The following SESN1 variants were observed in gnomAD, a reference collection of about 807,000 sequenced individuals.
SESN1 encodes the protein sestrin-1.
A neutral mutation model predicts 59.3 loss-of-function variants in SESN1; 30 were observed. The observed-to-expected ratio is 0.51, with a 90% CI of 0.38 to 0.69. The LOEUF is 0.69. SESN1 is among the 30% of genes least tolerant of loss of function. The pLI is 0.00. For synonymous variants in SESN1, 197 were observed against 219.9 expected (o/e 0.90, Z 0.92); for missense variants, 566 against 673.0 (o/e 0.84, Z 1.76).
chr6:108,988,663 T>A lies in SESN1; in HGVS notation c.1449A>T (p.Glu483Asp). 9 of 1,609,920 alleles carry A rather than the reference T, an allele frequency of 5.6e-6. No individual in the cohort carries two copies. Among genetic ancestry groups the A allele is most frequent in the Non-Finnish European group, 7.6e-6 (9 of 1,177,924 alleles). The change falls in exon 9 of 10, where the codon GAA becomes GAT. Residue 483 changes from glutamate to aspartate, a missense_variant. Coordinates refer to ENST00000436639, the MANE Select transcript of SESN1 (RefSeq NM_014454.3). Reference sequence around the variant, plus strand: ...AGCTACGATCCAATAGCTGGTTAATTTCACCATAGTCATAATCATCATATC... The same window carrying A: ...AGCTACGATCCAATAGCTGGTTAATATCACCATAGTCATAATCATCATATC... Reference protein sequence around the residue: ...GIRYDDYDYGEINQLLDRSFK... With the variant: ...GIRYDDYDYGDINQLLDRSFK...
chr6:109,008,008 ATTCC>A (rs1249815074), intron 1 of SESN1, among the ~76,000 whole-genome samples: 3 of 152,188 alleles, frequency 2.0e-5, no homozygotes, highest in Non-Finnish European at 4.4e-5. Context: ...CCTATAAAGC[ATTCC>A]TTCCTAAGTT....
At chr6:109,020,603 A>G (rs1779995418) in intron 1 of SESN1, among the ~76,000 whole-genome samples, 1 of 152,080 alleles carries the variant, frequency 6.6e-6, no homozygotes, top group Non-Finnish European at 1.5e-5. Context: ...TTTCCTCTTT[A>G]TTTCTATCAC....
At chr6:109,084,856 A>G (rs12530435) in intron 1 of SESN1, among the ~76,000 whole-genome samples, 3,758 of 152,222 alleles carry the variant, frequency 0.025, 63 homozygotes, top group Middle Eastern at 0.075. Flanking sequence ...TTTTTGTTAC[A>G]AACTAAAGGT....
chr6:109,075,939 C>G (rs541015120), intron 1 of SESN1, among the ~76,000 whole-genome samples: 2 of 152,338 alleles, frequency 1.3e-5, no homozygotes, highest in Non-Finnish European at 2.9e-5. Flanking sequence ...CCACCTAAGC[C>G]TGGACCCTGC....
At chr6:109,085,526 C>T (rs1246226884) in intron 1 of SESN1, among the ~76,000 whole-genome samples, 1 of 151,660 alleles carries the variant, frequency 6.6e-6, no homozygotes. Flanking sequence ...CACACACACA[C>T]ACACACACAC....
chr6:109,049,008 C>T (rs140155557), intron 1 of SESN1, among the ~76,000 whole-genome samples: 282 of 152,256 alleles, frequency 1.9e-3, no homozygotes, highest in African/African-American at 5.7e-3. Flanking sequence ...TTGCTTAGCA[C>T]GCTTCTTTGT....
Position 109,094,455 on chromosome 6 carries a change from G to C in SESN1, c.-382C>G. On this transcript the variant is annotated 5_prime_UTR_variant, in exon 1 of 10. It introduces an in-frame stop codon into an upstream open reading frame of the 5' UTR. Coordinates refer to ENST00000436639, the MANE Select transcript of SESN1 (RefSeq NM_014454.3). The stretch of plus-strand genomic sequence containing the variant: ...CTGCCCCAAAAGGCTGTTAACAGCT[G>C]AACGCCCTCCAGCCATTCGGGGCTT... 1 of 198,930 alleles carries C rather than the reference G, an allele frequency of 5.0e-6. No individual in the cohort carries two copies. The highest frequency in any genetic ancestry group is 1.0e-5 in the Non-Finnish European group (1 of 97,096). The allele number at this position is 198,930 out of a possible 1,614,324, so 12.3% of individuals were successfully genotyped here. A position where few individuals can be genotyped will look rare whatever the true frequency, so the allele number is the denominator to read the frequency against.
chr6:109,017,853 T>C (rs1381630225), intron 1 of SESN1, among the ~76,000 whole-genome samples: 1 of 152,178 alleles, frequency 6.6e-6, no homozygotes, highest in Non-Finnish European at 1.5e-5. Context: ...TTATTTCAGC[T>C]CTAAAGTTCT....
At chr6:108,989,564 G>T (rs1449350504) in intron 8 of SESN1, among the ~76,000 whole-genome samples, 2 of 104,148 alleles carry the variant, frequency 1.9e-5, no homozygotes, top group Admixed American at 8.4e-5. Context: ...TAGATCTCTA[G>T]ATCTAGAGAT....
rs377731933 is a variant in SESN1 at position 109,020,902 on chromosome 6, A to G, written c.280-18559T>C. On this transcript the variant is annotated intron_variant, in intron 1 of 9. Coordinates refer to ENST00000436639, the MANE Select transcript of SESN1 (RefSeq NM_014454.3). ...TTTCTCTTCAAATACTACTTAAACCATTTGATGGTTGTAGTTCCCTAAAAA... is the reference window on the plus strand; with the variant it reads ...TTTCTCTTCAAATACTACTTAAACCGTTTGATGGTTGTAGTTCCCTAAAAA... Among the ~76,000 whole-genome samples the G allele has an allele frequency of 4.6e-5, 7 of 152,300 alleles. No individual in the cohort carries two copies. In the East Asian group the frequency reaches 9.6e-4, roughly 21 times the overall value.
intron 1 of SESN1, among the ~76,000 whole-genome samples, chr6:109,055,741 T>A (rs988155316): frequency 2.0e-5 from 3 of 151,658 alleles, no homozygotes; most frequent in Non-Finnish European, 4.4e-5. Context: ...AAAAGTCTAG[T>A]AACCATTACA....
In SESN1 at chr6:108,994,488, C is replaced by T. The variant is rs903300709; in HGVS notation, c.1094G>A (p.Arg365Lys). ...EMASRFEIEK[R>K]ESMFVFSSDD... is the part of the protein sequence containing the mutation. ...TGAAGAGAAGACAAACATACTCTCT[C>T]TTTTTTCTATTTCAAAACGTGAAGC... is the stretch of plus-strand genomic sequence containing the variant. Residue 365 changes from arginine to lysine, a missense_variant, in exon 6 of 10, where the codon AGA (arginine) becomes AAA (lysine). By Grantham distance (26) the Arg-to-Lys change is conservative. Coordinates refer to ENST00000436639, the MANE Select transcript of SESN1 (RefSeq NM_014454.3). The T allele has an allele frequency of 6.2e-7, 1 of 1,612,746 alleles. No homozygotes were observed. Among genetic ancestry groups the T allele is most frequent in the Non-Finnish European group, 8.5e-7 (1 of 1,179,352 alleles).
intron 1 of SESN1, among the ~76,000 whole-genome samples, chr6:109,078,493 A>G (rs1292503194): frequency 6.6e-6 from 1 of 152,240 alleles, no homozygotes; most frequent in African/African-American, 2.4e-5. Context: ...ATACATTTAT[A>G]TCATAAATAT....
At chr6:109,009,601 C>A in intron 1 of SESN1, 13 of 1,043,490 alleles carry the variant, frequency 1.2e-5, no homozygotes, top group Non-Finnish European at 1.5e-5. Context: ...GGCCCCGCCC[C>A]GCGCCCGTCA....
At chr6:108,994,140 T>TAAG (rs1779450619) in intron 6 of SESN1, among the ~76,000 whole-genome samples, 1 of 100,266 alleles carries the variant, frequency 1.0e-5, no homozygotes, top group African/African-American at 3.8e-5. Flanking sequence ...CCCTGTTTCT[T>TAAG]AAAAAAAAAA....
At chr6:109,047,923 C>T (rs1286174616) in intron 1 of SESN1, among the ~76,000 whole-genome samples, 1 of 146,120 alleles carries the variant, frequency 6.8e-6, no homozygotes, top group African/African-American at 2.5e-5. Flanking sequence ...CATCACCACT[C>T]CCTAATCTCA....
intron 2 of SESN1, 68 bp from the exon 3 acceptor site, chr6:109,001,556 G>C: frequency 7.6e-7 from 1 of 1,315,716 alleles, no homozygotes. Flanking sequence ...AAATATACAT[G>C]CGCTACACTC....
At chr6:109,077,453 A>C (rs1781049972) in intron 1 of SESN1, among the ~76,000 whole-genome samples, 1 of 152,208 alleles carries the variant, frequency 6.6e-6, no homozygotes, top group African/African-American at 2.4e-5. Flanking sequence ...TAGGTATAAA[A>C]TTGGAGATTG....
chr6:109,042,863 T>C (rs1356377185), intron 1 of SESN1, among the ~76,000 whole-genome samples: 4 of 152,150 alleles, frequency 2.6e-5, no homozygotes, highest in East Asian at 3.9e-4. Context: ...ATGAAGCTAG[T>C]ATTAACCTAA....
Sources: gnomAD v4.1 joint callset for allele counts (sites outside exome capture counted in the v4.1 genomes callset) on GRCh38, gnomAD v4.1.1 for gene constraint, MANE v1.5 for transcripts, NCBI Gene and HGNC (gene_info 2026-07-23, HGNC 2026-07-21) for gene names.